Variants in DZIP3 observed in about 807,000 individuals in gnomAD.
DZIP3 encodes E3 ubiquitin-protein ligase DZIP3.
In DZIP3, 118 loss-of-function variants were observed where a neutral mutation model predicts 162.0. That is an observed-to-expected ratio of 0.73 (90% CI 0.63 to 0.85). DZIP3 has a LOEUF of 0.85. Ranked by LOEUF, DZIP3 falls within the 40% of genes least tolerant of loss-of-function variation. The probability of loss-of-function intolerance (pLI) is 0.00; values close to 1 mark genes in which losing one functional copy is unlikely to be tolerated. For synonymous variants in DZIP3, 438 were observed against 458.6 expected (o/e 0.96, Z 0.57); for missense variants, 1,331 against 1,407.0 (o/e 0.95, Z 0.86).
intron 1 of DZIP3, among the ~76,000 whole-genome samples, chr3:108,592,705 CAAA>C (rs59524030): frequency 2.2e-4 from 14 of 63,856 alleles, no homozygotes; most frequent in Admixed American, 3.6e-4. Flanking sequence ...GACCCTGTCT[CAAA>C]AAAAAAAAAA....
chr3:108,692,838 A>G (rs1183011898), intron 32 of DZIP3, among the ~76,000 whole-genome samples: 1 of 150,832 alleles, frequency 6.6e-6, no homozygotes, highest in East Asian at 1.9e-4. Context: ...ATTTTTATAT[A>G]ATAAGTTTTA....
chr3:108,625,813 C>T (rs992014120), intron 6 of DZIP3, 32 bp from the exon 7 acceptor site: 1 of 1,522,000 alleles, frequency 6.6e-7, no homozygotes, highest in South Asian at 1.3e-5. Flanking sequence ...ATGACTTTTA[C>T]AGTAGCCAAA....
At chr3:108,606,258 C>T (rs192777775) in intron 2 of DZIP3, among the ~76,000 whole-genome samples, 2 of 152,154 alleles carry the variant, frequency 1.3e-5, no homozygotes, top group Non-Finnish European at 2.9e-5. Flanking sequence ...TCTCTTTTCT[C>T]CAAGCAGGGC....
chr3:108,653,423 A>T (rs906931075), intron 18 of DZIP3, among the ~76,000 whole-genome samples: 5 of 150,612 alleles, frequency 3.3e-5, no homozygotes, highest in African/African-American at 1.2e-4. Context: ...GCTACTAAGT[A>T]GTAGGCCAAG....
intron 32 of DZIP3, among the ~76,000 whole-genome samples, chr3:108,692,542 A>G (rs1944737220): frequency 2.6e-5 from 4 of 152,206 alleles, no homozygotes; most frequent in Admixed American, 2.0e-4. Flanking sequence ...CACATGCGTC[A>G]CTGCTTATTT....
chr3:108,687,983 C>G lies in DZIP3; in HGVS notation c.3157C>G (p.Leu1053Val), dbSNP rs549334178. Residue 1053 changes from leucine to valine, a missense_variant, in exon 29 of 33, where the codon CTT (leucine) becomes GTT (valine). This residue lies in a region of DZIP3 where 1,278 missense variants were observed against 1,317.1 expected (regional missense o/e 0.97). Coordinates refer to ENST00000361582, the MANE Select transcript of DZIP3 (RefSeq NM_014648.4). The part of the protein sequence containing the change: ...TAFPQQTRKE[L>V]TDFLRKLKDA... ...TTCCTTGATCTCTTGCAGAAAGGAA[C>G]TTACAGATTTCTTACGGAAATTGAA... 24 of 1,613,526 alleles carry G rather than the reference C, an allele frequency of 1.5e-5. No homozygotes were observed. In the South Asian group the frequency reaches 2.5e-4, roughly 17 times the overall value.
At chr3:108,590,887 A>C (rs1313219261) in intron 1 of DZIP3, among the ~76,000 whole-genome samples, 1 of 152,250 alleles carries the variant, frequency 6.6e-6, no homozygotes, top group Non-Finnish European at 1.5e-5. Flanking sequence ...ACAATGTGCT[A>C]AGCACTTTTC....
In DZIP3 at chr3:108,669,679, AG is replaced by A. The variant is rs773135629; in HGVS notation, c.2424-1del. 1 of 1,610,488 alleles carries A rather than the reference AG, an allele frequency of 6.2e-7. No homozygotes were observed. The highest frequency in any genetic ancestry group is 1.1e-5 in the South Asian group (1 of 90,770). On this transcript the variant is annotated splice_acceptor_variant, in intron 21 of 32. Transcript: ENST00000361582. LOFTEE classifies it high-confidence loss of function. ...TTTTGACTTTCTTGCTTGTTTGCTT[AG>A]ATTACAGCGTCAAATCCATGCTAAA...
chr3:108,674,259 G>T, intron 24 of DZIP3, 78 bp downstream of exon 24: 2 of 1,299,308 alleles, frequency 1.5e-6, no homozygotes, highest in Non-Finnish European at 2.2e-6. Context: ...TATAATCTGT[G>T]ATGTGTTTTA....
chr3:108,639,173 C>G (rs1942280942), intron 12 of DZIP3, among the ~76,000 whole-genome samples: 1 of 152,210 alleles, frequency 6.6e-6, no homozygotes, highest in Non-Finnish European at 1.5e-5. Flanking sequence ...AAAACATTTA[C>G]TAACGTTTAT....
chr3:108,631,055 A>ACACACACACACACATACTCT, intron 8 of DZIP3, among the ~76,000 whole-genome samples: 2 of 18,006 alleles, frequency 1.1e-4, no homozygotes, highest in Non-Finnish European at 1.8e-4. Flanking sequence ...ACACACACAC[A>ACACACACACACACATACTCT]CTCTCTCTCT....
intron 27 of DZIP3, among the ~76,000 whole-genome samples, chr3:108,684,615 A>G (rs1043763578): frequency 4.3e-4 from 66 of 152,206 alleles, no homozygotes; most frequent in Non-Finnish European, 1.2e-4. Context: ...ATAGGCAACA[A>G]TGCAGGGTAA....
intron 3 of DZIP3, among the ~76,000 whole-genome samples, chr3:108,610,358 A>G (rs774487940): frequency 7.2e-5 from 11 of 152,164 alleles, no homozygotes; most frequent in Non-Finnish European, 1.3e-4. Flanking sequence ...CCTTGTGGCA[A>G]TGACCTAGGG....
chr3:108,679,833 G>C (rs779412550), intron 26 of DZIP3, among the ~76,000 whole-genome samples: 2 of 152,094 alleles, frequency 1.3e-5, no homozygotes, highest in Non-Finnish European at 2.9e-5. Context: ...GTGGTCACCA[G>C]ACTTCCATAG....
intron 3 of DZIP3, among the ~76,000 whole-genome samples, chr3:108,608,427 C>G (rs1008562548): frequency 2.6e-5 from 4 of 152,026 alleles, no homozygotes; most frequent in African/African-American, 9.7e-5. Flanking sequence ...AATAACCCAA[C>G]AATCATTTTT....
chr3:108,601,876 C>T (rs932626000), intron 1 of DZIP3, among the ~76,000 whole-genome samples: 3 of 152,176 alleles, frequency 2.0e-5, no homozygotes, highest in African/African-American at 7.2e-5. Context: ...CTTTGCCCCT[C>T]CCTAGTTATT....
At chr3:108,615,272 T>C (rs1488015097) in intron 4 of DZIP3, among the ~76,000 whole-genome samples, 5 of 152,238 alleles carry the variant, frequency 3.3e-5, no homozygotes, top group Non-Finnish European at 5.9e-5. Context: ...TTTTAGTTAT[T>C]CTCATTGGGA....
At chr3:108,622,793 C>T (rs1379588408) in intron 5 of DZIP3, among the ~76,000 whole-genome samples, 1 of 150,802 alleles carries the variant, frequency 6.6e-6, no homozygotes. Context: ...GATTACCAGG[C>T]AGAGACTCTT....
intron 32 of DZIP3, chr3:108,691,118 C>T (rs1336027849): frequency 2.6e-6 from 1 of 389,308 alleles, no homozygotes; most frequent in Non-Finnish European, 4.6e-6. Flanking sequence ...ACTATATATG[C>T]TCTTAGTAGG....
Sources: allele counts gnomAD v4.1 joint callset (sites outside exome capture counted in the v4.1 genomes callset), GRCh38; gene constraint gnomAD v4.1.1; regional missense constraint gnomAD v4.1.1; transcripts MANE v1.5; gene names NCBI Gene and HGNC (gene_info 2026-07-23, HGNC 2026-07-21).